The following SNCAIP variants were observed in gnomAD, a reference collection of about 807,000 sequenced individuals.
SNCAIP encodes synuclein alpha interacting protein.
Under a neutral mutation model 86.7 loss-of-function variants are expected in SNCAIP, and 43 were observed. The observed-to-expected ratio is 0.50, with a 90% CI of 0.39 to 0.64. The LOEUF is 0.64. Ranked by LOEUF, SNCAIP falls within the 30% of genes least tolerant of loss-of-function variation. The pLI, the probability that SNCAIP is intolerant of heterozygous loss-of-function variation, is 0.00. For missense variants in SNCAIP, 981 were observed against 1,103.1 expected (o/e 0.89, Z 1.57); for synonymous variants, 417 against 427.2 (o/e 0.98, Z 0.29).
At position 122,451,171 on chromosome 5, in the gene SNCAIP, C is replaced by T. The variant is rs954108412; in HGVS notation, c.2324C>T (p.Ser775Phe). 112 of 1,614,062 alleles carry T rather than the reference C, an allele frequency of 6.9e-5. No individual in the cohort carries two copies. Among genetic ancestry groups the T allele is most frequent in the Non-Finnish European group, 8.7e-5 (103 of 1,180,036 alleles). The change falls in exon 10 of 11, where the codon TCT becomes TTT. Residue 775 changes from serine (S) to phenylalanine (F), a missense_variant. Ser to Phe is a radical substitution (Grantham distance 155). Transcript: ENST00000261368. ...GGGAGTATTCCTCCAAACCAGCCCT[C>T]TGGTGACCCTCAGCAGCCCAGCCCT... ...GSGSIPPNQP[S>F]GDPQQPSPDS...
chr5:122,426,319 C>A (rs932549757), intron 5 of SNCAIP, among the ~76,000 whole-genome samples: 1 of 152,122 alleles, frequency 6.6e-6, no homozygotes, highest in Non-Finnish European at 1.5e-5. Context: ...ATAGTTGTGT[C>A]TTCTAAAAGC....
intron 1 of SNCAIP, among the ~76,000 whole-genome samples, chr5:122,319,049 C>T (rs1752406694): frequency 6.7e-6 from 1 of 150,260 alleles, no homozygotes; most frequent in South Asian, 2.1e-4. Flanking sequence ...TAAGCTCCTT[C>T]CTCCTGGCGA....
chr5:122,429,349 GAAATA>G (rs1011856061), intron 5 of SNCAIP, among the ~76,000 whole-genome samples: 7 of 142,950 alleles, frequency 4.9e-5, no homozygotes, highest in Admixed American at 2.1e-4. Context: ...AGAGTAAAAA[GAAATA>G]AAATAAAAAA....
rs76733946 is a variant in SNCAIP, at chr5:122,354,200, A to G, written c.-46-36889A>G. On this transcript the variant is annotated intron_variant, in intron 1 of 10. Transcript: ENST00000261368. ...TTGAGTTTACACTTCCTTGATTCAC[A>G]TTAATCTTCCTATTTCAGAATACCA... Among the ~76,000 whole-genome samples the G allele has an allele frequency of 7.5e-3, 1,135 of 152,300 alleles. 8 individuals carry two copies. The highest frequency in any genetic ancestry group is 0.012 in the Non-Finnish European group (850 of 68,030).
rs779510882 is a variant in SNCAIP at position 122,449,859 on chromosome 5, G to A, written c.1607G>A (p.Arg536His). The A allele has an allele frequency of 2.3e-5, 37 of 1,613,584 alleles. No individual in the cohort carries two copies. The highest frequency in any genetic ancestry group is 3.0e-5 in the Non-Finnish European group (35 of 1,179,660). ...TKQLKEQTVE[R>H]VTLQNQLQQF... ...GTTTTCCCCAGACAAACAGTAGAAC[G>A]TGTCACGCTGCAGAACCAACTCCAA... The change falls in exon 9 of 11, where the codon CGT becomes CAT. Residue 536 changes from arginine to histidine, a missense_variant. Coordinates refer to ENST00000261368, the MANE Select transcript of SNCAIP (RefSeq NM_005460.4).
intron 1 of SNCAIP, among the ~76,000 whole-genome samples, chr5:122,372,091 A>G (rs200460142): frequency 1.3e-5 from 2 of 152,108 alleles, no homozygotes; most frequent in African/African-American, 4.8e-5. Flanking sequence ...ATCTGCTTCC[A>G]CAGCCATAAA....
chr5:122,417,301 A>G (rs1385866915), intron 3 of SNCAIP, among the ~76,000 whole-genome samples: 2 of 152,224 alleles, frequency 1.3e-5, no homozygotes, highest in African/African-American at 2.4e-5. Context: ...ACATAGATCC[A>G]GAGAAATTAT....
At chr5:122,418,016 C>CAA (rs1315938247) in intron 3 of SNCAIP, among the ~76,000 whole-genome samples, 2 of 152,154 alleles carry the variant, frequency 1.3e-5, no homozygotes, top group Non-Finnish European at 2.9e-5. Flanking sequence ...AGGAACTGCA[C>CAA]AAAGGAGGTA....
chr5:122,422,806 A>G lies in SNCAIP; in HGVS notation c.131-62A>G, dbSNP rs548389732. The G allele has an allele frequency of 1.0e-5, 14 of 1,368,682 alleles. No individual in the cohort carries two copies. The African/African-American group carries it at 1.1e-4, about 11-fold the overall frequency. The allele number at this position is 1,368,682 out of a possible 1,614,324, so 84.8% of individuals were successfully genotyped here. On this transcript the variant is annotated intron_variant, in intron 3 of 10. Coordinates refer to ENST00000261368, the MANE Select transcript of SNCAIP (RefSeq NM_005460.4). ...ATGTGAATGAACCACATCTACCTGC[A>G]TAGCCAAGATGTGTTCAGCATTCCA...
rs369358329 is a variant in SNCAIP, at chr5:122,425,492, C to G, written c.1143C>G (p.Arg381=). 7.4e-6 allele frequency: 12 copies of G among 1,614,136 alleles called. No homozygotes were observed. The highest frequency in any genetic ancestry group is 1.0e-5 in the Non-Finnish European group (12 of 1,180,000). Residue 381 remains arginine (R), a synonymous_variant, in exon 5 of 11, where the codon CGC becomes CGG. Coordinates refer to ENST00000261368, the MANE Select transcript of SNCAIP (RefSeq NM_005460.4). Reference sequence around the variant, plus strand: ...TGGGAGAAGACTGCCTCAATGAGCGCAACACTGAGAAGTTGACTCCAGCAG... The same window carrying G: ...TGGGAGAAGACTGCCTCAATGAGCGGAACACTGAGAAGTTGACTCCAGCAG... The part of the protein sequence containing the change: ...SLMGEDCLNE[R]NTEKLTPAGL...
chr5:122,375,548 T>C (rs1168174601), intron 1 of SNCAIP, among the ~76,000 whole-genome samples: 5 of 151,424 alleles, frequency 3.3e-5, no homozygotes, highest in Non-Finnish European at 7.4e-5. Context: ...TGAATAGATA[T>C]CCCCAAACTG....
intron 6 of SNCAIP, chr5:122,440,336 T>A: frequency 2.5e-6 from 1 of 393,828 alleles, no homozygotes; most frequent in South Asian, 2.2e-5. Flanking sequence ...GTGCCTTGGA[T>A]GAGGCACTCA....
At chr5:122,312,463 A>T (rs1750786388) in intron 1 of SNCAIP, 179 bp downstream of exon 1, 1 of 152,218 alleles carries the variant, frequency 6.6e-6, no homozygotes, top group South Asian at 2.1e-4. Flanking sequence ...CCTCTGCAGA[A>T]AGGGTTTGAG....
intron 1 of SNCAIP, among the ~76,000 whole-genome samples, chr5:122,326,464 C>G (rs1754058962): frequency 6.6e-6 from 1 of 152,112 alleles, no homozygotes. Context: ...AAACATACTA[C>G]TACAACTTCT....
At chr5:122,412,798 ACT>A (rs778482495) in intron 3 of SNCAIP, among the ~76,000 whole-genome samples, 1 of 151,946 alleles carries the variant, frequency 6.6e-6, no homozygotes, top group Non-Finnish European at 1.5e-5. Flanking sequence ...TCCTCCTCAG[ACT>A]CTCTCCTCAG....
rs916177094 is a variant in SNCAIP, at chr5:122,452,940, T to C, written c.2754+1339T>C. 7 of 1,548,140 alleles carry C rather than the reference T, an allele frequency of 4.5e-6. No individual in the cohort carries two copies. The African/African-American group carries it at 9.6e-5, about 21-fold the overall frequency. The stretch of plus-strand genomic sequence containing the variant: ...ACCTCTCTAGGAAATGTACAGCAGC[T>C]GCATCAATCTTTCCTCTAACATGCT... On this transcript the variant is annotated intron_variant, in intron 10 of 10. Coordinates refer to ENST00000261368, the MANE Select transcript of SNCAIP (RefSeq NM_005460.4).
At chr5:122,361,176 G>GAA (rs749754936) in intron 1 of SNCAIP, among the ~76,000 whole-genome samples, 17 of 87,602 alleles carry the variant, frequency 1.9e-4, no homozygotes, top group African/African-American at 3.7e-4. Flanking sequence ...AGTCATTTTT[G>GAA]AAAAAAAAAA....
chr5:122,366,859 CA>C (rs1763303666), intron 1 of SNCAIP, among the ~76,000 whole-genome samples: 1 of 152,122 alleles, frequency 6.6e-6, no homozygotes, highest in Non-Finnish European at 1.5e-5. Context: ...GTCACTTTGA[CA>C]GTTGTGTAGA....
chr5:122,361,695 G>A (rs1206933139), intron 1 of SNCAIP, among the ~76,000 whole-genome samples: 1 of 152,156 alleles, frequency 6.6e-6, no homozygotes, highest in East Asian at 1.9e-4. Context: ...GAGCTCCATC[G>A]ATGCCTTAAA....
Sources: gnomAD v4.1 joint callset for allele counts (sites outside exome capture counted in the v4.1 genomes callset) on GRCh38, gnomAD v4.1.1 for gene constraint, MANE v1.5 for transcripts, NCBI Gene and HGNC (gene_info 2026-07-23, HGNC 2026-07-21) for gene names.